The following PTPRD variants were observed in gnomAD, a reference collection of about 807,000 sequenced individuals.
The protein encoded by PTPRD is receptor-type tyrosine-protein phosphatase delta.
PTPRD carries 34 observed loss-of-function variants against 214.5 expected under a neutral mutation model. The ratio of observed to expected loss-of-function variants is 0.16; its 90% CI spans 0.12 to 0.21. The LOEUF (loss-of-function observed/expected upper bound fraction) is 0.21. Ranked by LOEUF, PTPRD falls within the 10% of genes least tolerant of loss-of-function variation. The probability of loss-of-function intolerance (pLI) is 1.00; values close to 1 mark genes in which losing one functional copy is unlikely to be tolerated. For synonymous variants in PTPRD, 1,128 were observed against 845.7 expected, an observed-to-expected ratio of 1.33 and a Z score of -5.79; for missense variants, 2,545 against 2,398.7, an observed-to-expected ratio of 1.06 and a Z score of -1.27.
At chr9:10,431,825 T>A (rs1199377162) in intron 2 of PTPRD, among the ~76,000 whole-genome samples, 1 of 152,100 alleles carries the variant, frequency 6.6e-6, no homozygotes. Flanking sequence ...GGAAGACTTT[T>A]ACACTGTTGG....
intron 37 of PTPRD, among the ~76,000 whole-genome samples, chr9:8,378,456 G>A (rs1241666736): frequency 6.6e-6 from 1 of 152,010 alleles, no homozygotes; most frequent in East Asian, 1.9e-4. Flanking sequence ...TATGCCAAAG[G>A]CTTTGTTTTA....
chr9:9,205,241 G>A (rs1261508197), intron 9 of PTPRD, among the ~76,000 whole-genome samples: 1 of 152,122 alleles, frequency 6.6e-6, no homozygotes, highest in African/African-American at 2.4e-5. Context: ...TTGTATTCAT[G>A]TTGAAACATT....
chr9:9,637,611 G>A (rs2095813191), intron 7 of PTPRD, among the ~76,000 whole-genome samples: 1 of 152,230 alleles, frequency 6.6e-6, no homozygotes, highest in African/African-American at 2.4e-5. Context: ...TTTTCTGGGT[G>A]CAGACCATGC....
intron 11 of PTPRD, among the ~76,000 whole-genome samples, chr9:9,014,106 A>G (rs1309259995): frequency 6.6e-6 from 1 of 152,108 alleles, no homozygotes; most frequent in Non-Finnish European, 1.5e-5. Flanking sequence ...TGTAATACTC[A>G]GAGAGGAATA....
chr9:9,559,487 C>G (rs931161756), intron 8 of PTPRD, among the ~76,000 whole-genome samples: 1 of 152,240 alleles, frequency 6.6e-6, no homozygotes, highest in African/African-American at 2.4e-5. Flanking sequence ...AATAGGCACC[C>G]CTGGTTAACT....
intron 5 of PTPRD, among the ~76,000 whole-genome samples, chr9:9,886,252 C>T (rs1192083904): frequency 1.3e-5 from 2 of 152,056 alleles, no homozygotes; most frequent in African/African-American, 4.8e-5. Flanking sequence ...ATGCCCGTCA[C>T]TGCTCTGGGT....
chr9:9,006,605 A>T (rs1371767471), intron 11 of PTPRD, among the ~76,000 whole-genome samples: 1 of 151,986 alleles, frequency 6.6e-6, no homozygotes, highest in Non-Finnish European at 1.5e-5. Flanking sequence ...TGTTATTTTT[A>T]CTGTGAAATT....
At chr9:9,485,599 A>T (rs188709168) in intron 8 of PTPRD, among the ~76,000 whole-genome samples, 3 of 152,308 alleles carry the variant, frequency 2.0e-5, no homozygotes, top group Non-Finnish European at 2.9e-5. Context: ...TAACAAAGAA[A>T]TTACGTGATC....
chr9:8,840,581 C>T (rs1222180546), intron 11 of PTPRD, among the ~76,000 whole-genome samples: 4 of 152,162 alleles, frequency 2.6e-5, no homozygotes, highest in African/African-American at 9.7e-5. Flanking sequence ...GCTATCTCTT[C>T]TTACTCCACC....
intron 7 of PTPRD, among the ~76,000 whole-genome samples, chr9:9,605,096 A>T (rs985630183): frequency 1.4e-4 from 21 of 152,020 alleles, no homozygotes; most frequent in African/African-American, 4.8e-4. Context: ...CTAGCAAAAC[A>T]TTTCCCTTCC....
chr9:8,945,743 C>A (rs1198319990), intron 11 of PTPRD, among the ~76,000 whole-genome samples: 1 of 152,144 alleles, frequency 6.6e-6, no homozygotes, highest in African/African-American at 2.4e-5. Context: ...ATACCACACT[C>A]ATCTTTGCCT....
chr9:8,941,053 C>A (rs1056559328), intron 11 of PTPRD, among the ~76,000 whole-genome samples: 1 of 152,116 alleles, frequency 6.6e-6, no homozygotes, highest in Non-Finnish European at 1.5e-5. Flanking sequence ...ATCAGGAACT[C>A]CTGATAAACC....
chr9:9,406,000 C>T (rs2073169248), intron 8 of PTPRD, among the ~76,000 whole-genome samples: 1 of 151,676 alleles, frequency 6.6e-6, no homozygotes, highest in South Asian at 2.1e-4. Flanking sequence ...TATTATTTTC[C>T]CTGTGCATTA....
At chr9:8,728,197 C>T (rs950494506) in intron 12 of PTPRD, among the ~76,000 whole-genome samples, 4 of 152,160 alleles carry the variant, frequency 2.6e-5, no homozygotes, top group African/African-American at 4.8e-5. Flanking sequence ...TTGCGATGAG[C>T]CAAGATCGTG....
At position 8,416,477 on chromosome 9, in the gene PTPRD, T is replaced by G. The variant is rs377472224; in HGVS notation, c.4087-11817A>C. On this transcript the variant is annotated intron_variant, in intron 35 of 45. Coordinates refer to ENST00000381196, the MANE Select transcript of PTPRD (RefSeq NM_002839.4). The stretch of plus-strand genomic sequence containing the variant: ...TTCCAGGAAGAGGGAAAAAAGAGAG[T>G]TGCAGAATACTTTTCACAACTGCAC... Among the ~76,000 whole-genome samples, 21 of 152,252 alleles carry G rather than the reference T, an allele frequency of 1.4e-4. No homozygotes were observed. The East Asian group carries it at 3.9e-3, about 28-fold the overall frequency.
At chr9:10,428,086 C>A (rs965443670) in intron 2 of PTPRD, among the ~76,000 whole-genome samples, 1 of 151,792 alleles carries the variant, frequency 6.6e-6, no homozygotes, top group African/African-American at 2.4e-5. Context: ...GAGGCCAAGG[C>A]GGGAATACCA....
intron 3 of PTPRD, among the ~76,000 whole-genome samples, chr9:10,309,218 C>G (rs1481137096): frequency 6.6e-6 from 1 of 151,932 alleles, no homozygotes; most frequent in Non-Finnish European, 1.5e-5. Flanking sequence ...AAAAATATGT[C>G]CTTTTAATTT....
rs1429087277 is a variant in PTPRD at position 9,642,239 on chromosome 9, G to C, written c.-286-67458C>G. Among the ~76,000 whole-genome samples the C allele has an allele frequency of 4.6e-5, 5 of 108,364 alleles. No individual in the cohort carries two copies. In the East Asian group the frequency reaches 1.5e-3, roughly 32 times the overall value. The allele number at this position is 108,364 out of a possible 152,430, so 71.1% of individuals were successfully genotyped here. ...ATGAGATCACATGGACACATGAAGGGGAATACCACACTCTGGGGACTGTGG... is the reference window on the plus strand; with the variant it reads ...ATGAGATCACATGGACACATGAAGGCGAATACCACACTCTGGGGACTGTGG... On this transcript the variant is annotated intron_variant, in intron 7 of 45. Coordinates refer to ENST00000381196, the MANE Select transcript of PTPRD (RefSeq NM_002839.4).
intron 2 of PTPRD, among the ~76,000 whole-genome samples, chr9:10,606,479 T>C (rs1025672345): frequency 5.9e-5 from 9 of 151,744 alleles, no homozygotes; most frequent in African/African-American, 2.2e-4. Context: ...GTAAGTGGCC[T>C]ACACTGGTTC....
Sources: allele counts gnomAD v4.1 joint callset (sites outside exome capture counted in the v4.1 genomes callset), GRCh38; gene constraint gnomAD v4.1.1; transcripts MANE v1.5; gene names NCBI Gene and HGNC (gene_info 2026-07-23, HGNC 2026-07-21).